The following PBX1 variants were observed in gnomAD, a reference collection of about 807,000 sequenced individuals.
The protein encoded by PBX1 is PBX homeobox 1.
Under a neutral mutation model 53.4 loss-of-function variants are expected in PBX1, and 6 were observed. That is an observed-to-expected ratio of 0.11 (90% CI 0.06 to 0.22). The LOEUF is 0.22. Ranked by LOEUF, PBX1 falls within the 10% of genes least tolerant of loss-of-function variation. PBX1 has a pLI of 1.00. For synonymous variants in PBX1, 204 were observed against 212.3 expected (o/e 0.96, Z 0.34); for missense variants, 251 against 551.4 (o/e 0.46, Z 5.46).
intron 2 of PBX1, chr1:164,771,613 G>T (rs190342625): frequency 2.2e-4 from 34 of 151,676 alleles, no homozygotes; most frequent in African/African-American, 8.0e-4. Flanking sequence ...TAGAAATTGC[G>T]CTGGAAGCTG....
chr1:164,755,402 G>T (rs10918064), intron 2 of PBX1, among the ~76,000 whole-genome samples: 2 of 152,022 alleles, frequency 1.3e-5, no homozygotes, highest in Non-Finnish European at 2.9e-5. Context: ...GCCCACCCTG[G>T]CCTCCCAAAG....
At chr1:164,883,023 T>C (rs1008953901) in intron 2 of PBX1, among the ~76,000 whole-genome samples, 1 of 152,200 alleles carries the variant, frequency 6.6e-6, no homozygotes, top group African/African-American at 2.4e-5. Context: ...TTACAAAGGT[T>C]AGTGAATTAG....
chr1:164,790,557 T>C (rs915750903), intron 2 of PBX1, among the ~76,000 whole-genome samples: 3 of 151,984 alleles, frequency 2.0e-5, no homozygotes, highest in Non-Finnish European at 4.4e-5. Flanking sequence ...TTCCTTCCTC[T>C]CATCCTTTTT....
At chr1:164,844,376 G>A (rs958039567) in intron 8 of PBX1, among the ~76,000 whole-genome samples, 1 of 151,826 alleles carries the variant, frequency 6.6e-6, no homozygotes, top group Non-Finnish European at 1.5e-5. Flanking sequence ...CTGCCTGCCT[G>A]TCTGTCTACC....
intron 2 of PBX1, among the ~76,000 whole-genome samples, chr1:164,792,240 A>C (rs943972073): frequency 6.6e-6 from 1 of 152,228 alleles, no homozygotes. Flanking sequence ...CCATTATTCT[A>C]CTTTCTGCCT....
intron 2 of PBX1, among the ~76,000 whole-genome samples, chr1:164,751,496 C>T (rs1028615207): frequency 2.0e-5 from 3 of 151,728 alleles, no homozygotes; most frequent in Admixed American, 1.3e-4. Context: ...GTAAAACTCA[C>T]TCTTCTCACT....
intron 2 of PBX1, among the ~76,000 whole-genome samples, chr1:164,781,536 T>C (rs1055993445): frequency 6.6e-6 from 1 of 152,168 alleles, no homozygotes; most frequent in Non-Finnish European, 1.5e-5. Flanking sequence ...CACCTTAGAA[T>C]TCCCTTGGTC....
At chr1:164,622,679 T>G (rs546081587) in intron 2 of PBX1, among the ~76,000 whole-genome samples, 1 of 152,170 alleles carries the variant, frequency 6.6e-6, no homozygotes, top group Non-Finnish European at 1.5e-5. Flanking sequence ...AATAGATATA[T>G]TTAGAAACAC....
At chr1:164,645,910 T>C (rs569442738) in intron 2 of PBX1, among the ~76,000 whole-genome samples, 59 of 152,278 alleles carry the variant, frequency 3.9e-4, no homozygotes, top group African/African-American at 1.3e-3. Flanking sequence ...AAGAACTGCA[T>C]TGAGAAGTGG....
intron 4 of PBX1, among the ~76,000 whole-genome samples, chr1:164,800,971 C>T (rs1441350466): frequency 6.6e-6 from 1 of 152,156 alleles, no homozygotes; most frequent in East Asian, 1.9e-4. Context: ...TTATTCAGCT[C>T]TCCTACCTGC....
At chr1:164,760,587 A>G (rs1666759619) in intron 2 of PBX1, among the ~76,000 whole-genome samples, 1 of 152,180 alleles carries the variant, frequency 6.6e-6, no homozygotes. Flanking sequence ...AAAACAAAAC[A>G]AAATTTTACA....
At chr1:164,834,914 AT>A (rs1249313834) in intron 8 of PBX1, among the ~76,000 whole-genome samples, 1 of 152,104 alleles carries the variant, frequency 6.6e-6, no homozygotes, top group African/African-American at 2.4e-5. Flanking sequence ...TAAATTTTAA[AT>A]TTTTTTCTGA....
Position 164,847,073 on chromosome 1 carries a change from A to G in PBX1, c.*397A>G, listed in dbSNP as rs563699510. 7 of 1,101,286 alleles carry G rather than the reference A, an allele frequency of 6.4e-6. No homozygotes were observed. The highest frequency in any genetic ancestry group is 7.9e-5 in the South Asian group (2 of 25,166). 68.2% of individuals were successfully genotyped at this position (1,101,286 alleles called of 1,614,324 possible). On this transcript the variant is annotated 3_prime_UTR_variant, in exon 9 of 9. Coordinates refer to ENST00000420696, the MANE Select transcript of PBX1 (RefSeq NM_002585.4). ...ATAATAAAAGTGTTTGTACGTTTTC[A>G]TGCTGGTGGTTTGAGGAGCCAAATT...
chr1:164,778,511 C>A (rs1371242613), intron 2 of PBX1, among the ~76,000 whole-genome samples: 1 of 151,966 alleles, frequency 6.6e-6, no homozygotes, highest in Non-Finnish European at 1.5e-5. Context: ...GTAGTGTGTG[C>A]CTGTAGTCCC....
intron 2 of PBX1, among the ~76,000 whole-genome samples, chr1:164,673,634 C>T (rs1050478954): frequency 6.6e-6 from 1 of 151,954 alleles, no homozygotes; most frequent in Non-Finnish European, 1.5e-5. Context: ...CCGCGCCTGG[C>T]GAAAGTTACT....
chr1:164,665,448 C>T (rs2101958638), intron 2 of PBX1, among the ~76,000 whole-genome samples: 1 of 152,194 alleles, frequency 6.6e-6, no homozygotes, highest in South Asian at 2.1e-4. Context: ...CTATGCCTGG[C>T]TAATTTTTTT....
At chr1:164,676,284 A>G (rs1661428901) in intron 2 of PBX1, among the ~76,000 whole-genome samples, 1 of 152,104 alleles carries the variant, frequency 6.6e-6, no homozygotes, top group Admixed American at 6.5e-5. Flanking sequence ...CTGAACAAGC[A>G]GACACCTTAA....
At chr1:164,632,470 C>T (rs1658471808) in intron 2 of PBX1, among the ~76,000 whole-genome samples, 1 of 152,094 alleles carries the variant, frequency 6.6e-6, no homozygotes, top group Non-Finnish European at 1.5e-5. Flanking sequence ...CACAGCACAG[C>T]CTTTCTCCTG....
chr1:164,849,504 G>T lies in PBX1; in HGVS notation c.*2828G>T. ...CACAGCTTCCTGGGAATTCACATGA[G>T]GCCAGTCCTACAGAGAGCAAGATGC... On this transcript the variant is annotated 3_prime_UTR_variant, in exon 9 of 9. Coordinates refer to ENST00000420696, the MANE Select transcript of PBX1 (RefSeq NM_002585.4). 6.6e-7 allele frequency: 1 copy of T among 1,507,940 alleles called. No homozygotes were observed. The highest frequency in any genetic ancestry group is 8.9e-7 in the Non-Finnish European group (1 of 1,123,742). 93.4% of individuals were successfully genotyped at this position (1,507,940 alleles called of 1,614,324 possible).
Sources: allele counts gnomAD v4.1 joint callset (sites outside exome capture counted in the v4.1 genomes callset), GRCh38; gene constraint gnomAD v4.1.1; transcripts MANE v1.5; gene names NCBI Gene and HGNC (gene_info 2026-07-23, HGNC 2026-07-21).